The following RHOU variants were observed in gnomAD, a reference collection of about 807,000 sequenced individuals.
RHOU encodes rho-related GTP-binding protein RhoU.
RHOU carries 8 observed loss-of-function variants against 12.6 expected under a neutral mutation model. The ratio of observed to expected loss-of-function variants is 0.64; its 90% confidence interval spans 0.37 to 1.15. RHOU has a LOEUF of 1.15. Among genes scored for constraint, RHOU ranks in the 50% most tolerant of loss-of-function variants. The probability of loss-of-function intolerance (pLI) is 0.01; values close to 1 mark genes in which losing one functional copy is unlikely to be tolerated. For missense variants in RHOU, 258 were observed against 347.0 expected (o/e 0.74, Z 2.04); for synonymous variants, 161 against 147.4 (o/e 1.09, Z -0.67).
At chr1:228,725,023 C>T in the RHOU span, among the ~76,000 whole-genome samples, 1 of 152,274 alleles carries the variant, frequency 6.6e-6, no homozygotes, top group South Asian at 2.1e-4. Context: ...CTTTCTCTGA[C>T]ATTTATTTAT....
chr1:228,664,834 A>G, the RHOU span, among the ~76,000 whole-genome samples: 1 of 152,046 alleles, frequency 6.6e-6, no homozygotes, highest in South Asian at 2.1e-4. Flanking sequence ...GGGTTTCACC[A>G]TGTTGGCCAT....
chr1:228,657,494 A>T, the RHOU span, among the ~76,000 whole-genome samples: 1 of 152,218 alleles, frequency 6.6e-6, no homozygotes, highest in Non-Finnish European at 1.5e-5. Context: ...AATTGTAAAC[A>T]TTTACGCACC....
the RHOU span, among the ~76,000 whole-genome samples, chr1:228,715,862 T>C: frequency 6.6e-6 from 1 of 151,896 alleles, no homozygotes; most frequent in Non-Finnish European, 1.5e-5. Context: ...ATGTGATTCA[T>C]GATAGAAATA....
chr1:228,738,682 C>T lies in RHOU; in HGVS notation c.321+951C>T, dbSNP rs1002804880. 6.6e-6 allele frequency among the ~76,000 whole-genome samples: 1 copy of T among 152,158 alleles called. No individual in the cohort carries two copies. Among genetic ancestry groups the T allele is most frequent in the Non-Finnish European group, 1.5e-5 (1 of 68,036 alleles). On this transcript the variant is annotated intron_variant, in intron 2 of 2. Coordinates refer to ENST00000366691, the MANE Select transcript of RHOU (RefSeq NM_021205.6). This position sits in a 1 kb window ranked among gnomAD's most constrained non-coding sequence, Gnocchi z 4.2. ...CTCACCTACTCTGGGACAGCAGATT[C>T]AGAGCTAAGGACAGATCTTATTTTT...
the RHOU span, among the ~76,000 whole-genome samples, chr1:228,676,793 A>G: frequency 6.6e-6 from 1 of 152,156 alleles, no homozygotes; most frequent in Non-Finnish European, 1.5e-5. Flanking sequence ...AATTACAAAG[A>G]ACCTTCTCAA....
the RHOU span, among the ~76,000 whole-genome samples, chr1:228,713,347 T>TG: frequency 6.6e-6 from 1 of 152,190 alleles, no homozygotes; most frequent in African/African-American, 2.4e-5. Flanking sequence ...CCAAAGGGAC[T>TG]GGGTTCAGAT....
At chr1:228,728,870 T>G in the RHOU span, among the ~76,000 whole-genome samples, 4 of 152,016 alleles carry the variant, frequency 2.6e-5, no homozygotes, top group African/African-American at 9.6e-5. Context: ...CATCTAGCAC[T>G]GATGAGTTTT....
chr1:228,726,196 A>G, the RHOU span, among the ~76,000 whole-genome samples: 4 of 152,014 alleles, frequency 2.6e-5, no homozygotes, highest in African/African-American at 4.8e-5. Flanking sequence ...GTCCGTACGT[A>G]CTCATGTGTA....
At chr1:228,667,624 T>A in the RHOU span, among the ~76,000 whole-genome samples, 2 of 152,226 alleles carry the variant, frequency 1.3e-5, no homozygotes, top group African/African-American at 4.8e-5. Flanking sequence ...CATGTTGGAC[T>A]TGATTCTGGG....
the RHOU span, among the ~76,000 whole-genome samples, chr1:228,670,617 A>C: frequency 6.6e-6 from 1 of 152,196 alleles, no homozygotes; most frequent in Non-Finnish European, 1.5e-5. Flanking sequence ...ACTTACTTGG[A>C]TGAGATCTTC....
chr1:228,683,395 T>C, the RHOU span, among the ~76,000 whole-genome samples: 2 of 152,206 alleles, frequency 1.3e-5, no homozygotes, highest in Non-Finnish European at 2.9e-5. Context: ...AATAGCCAAA[T>C]ACATCGATGG....
chr1:228,648,990 A>C, the RHOU span, among the ~76,000 whole-genome samples: 1 of 151,938 alleles, frequency 6.6e-6, no homozygotes, highest in Non-Finnish European at 1.5e-5. Flanking sequence ...CAGCCTCCCG[A>C]GTACCTTGTA....
chr1:228,741,442 C>G (rs1662718910), intron 2 of RHOU, among the ~76,000 whole-genome samples: 1 of 152,140 alleles, frequency 6.6e-6, no homozygotes, highest in African/African-American at 2.4e-5. Flanking sequence ...CTTTATTTTT[C>G]TCAGTAATGC....
At chr1:228,714,020 T>C in the RHOU span, among the ~76,000 whole-genome samples, 2 of 152,186 alleles carry the variant, frequency 1.3e-5, no homozygotes, top group Admixed American at 6.5e-5. Context: ...TCTCAGAAGA[T>C]GTTAAATATT....
chr1:228,651,007 C>A, the RHOU span: 5 of 312,248 alleles, frequency 1.6e-5, no homozygotes, highest in Non-Finnish European at 6.4e-6. Flanking sequence ...AGGTCCTGGT[C>A]CACTGTGAAG....
chr1:228,714,144 T>A, the RHOU span, among the ~76,000 whole-genome samples: 1 of 152,200 alleles, frequency 6.6e-6, no homozygotes, highest in South Asian at 2.1e-4. Flanking sequence ...ATTTGCTGGG[T>A]TTTCAGCAAA....
At chr1:228,650,553 G>T in the RHOU span, 1 of 456,980 alleles carries the variant, frequency 2.2e-6, no homozygotes, top group South Asian at 1.5e-5. Context: ...GTGCCCGGCG[G>T]GTTGTCCTCA....
the RHOU span, among the ~76,000 whole-genome samples, chr1:228,677,690 A>G: frequency 6.6e-6 from 1 of 152,172 alleles, no homozygotes; most frequent in East Asian, 1.9e-4. Context: ...AAGAGTGAGT[A>G]TAAAAATAAA....
At chr1:228,671,712 C>CAAAAAAAA in the RHOU span, among the ~76,000 whole-genome samples, 5 of 65,230 alleles carry the variant, frequency 7.7e-5, no homozygotes, top group Non-Finnish European at 9.6e-5. Flanking sequence ...GACTCCATCT[C>CAAAAAAAA]AAAAAAAAAA....
Sources: gnomAD v4.1 joint callset for allele counts (sites outside exome capture counted in the v4.1 genomes callset) on GRCh38, gnomAD v4.1.1 for gene constraint, Gnocchi (gnomAD v3.1) non-coding constraint, MANE v1.5 for transcripts, NCBI Gene and HGNC (gene_info 2026-07-23, HGNC 2026-07-21) for gene names.